Variants in NETO2 observed in about 807,000 individuals in gnomAD.
The protein encoded by NETO2 is neuropilin and tolloid-like protein 2.
In NETO2, 28 loss-of-function variants were observed where a neutral mutation model predicts 62.5. The observed-to-expected ratio is 0.45, with a 90% CI of 0.33 to 0.61. NETO2 has a LOEUF of 0.61. NETO2 is among the 20% of genes least tolerant of loss of function. The probability of loss-of-function intolerance (pLI) is 0.02; values close to 1 mark genes in which losing one functional copy is unlikely to be tolerated. For synonymous variants in NETO2, 214 were observed against 219.1 expected (o/e 0.98, Z 0.21); for missense variants, 548 against 643.2 (o/e 0.85, Z 1.60).
chr16:47,086,079 C>G, intron 8 of NETO2, 147 bp downstream of exon 8: 1 of 654,262 alleles, frequency 1.5e-6, no homozygotes, highest in South Asian at 1.6e-5. Flanking sequence ...GCACTCCAGC[C>G]TGGGCGACAG....
intron 7 of NETO2, among the ~76,000 whole-genome samples, chr16:47,107,137 CA>C (rs1277696388): frequency 1.4e-4 from 21 of 152,080 alleles, no homozygotes; most frequent in African/African-American, 3.9e-4. Context: ...CTGTCCTTCA[CA>C]TAAGAAAAAA....
chr16:47,109,671 T>C lies in NETO2; in HGVS notation c.695A>G (p.Asn232Ser), dbSNP rs1306505675. 19 of 1,613,732 alleles carry C rather than the reference T, an allele frequency of 1.2e-5. No individual in the cohort carries two copies. The highest frequency in any genetic ancestry group is 1.6e-5 in the Non-Finnish European group (19 of 1,179,698). ...TGCAACGAAGTTTCTCTTGCATTCA[T>C]TTGAGTGCTCCATTTGATAATCTAG... is the stretch of plus-strand genomic sequence containing the variant. ...RFLDYQMEHS[N>S]ECKRNFVAVY... is the part of the protein sequence containing the mutation. Residue 232 changes from asparagine to serine, a missense_variant, in exon 7 of 9, where the codon AAT becomes AGT. Transcript: ENST00000562435.
chr16:47,105,474 A>C (rs1188521320), intron 7 of NETO2, among the ~76,000 whole-genome samples: 2 of 152,204 alleles, frequency 1.3e-5, no homozygotes, highest in African/African-American at 2.4e-5. Context: ...ACAACAACAA[A>C]AAAAACCCAC....
At chr16:47,133,513 C>T (rs1022619318) in intron 1 of NETO2, among the ~76,000 whole-genome samples, 2 of 151,780 alleles carry the variant, frequency 1.3e-5, no homozygotes, top group African/African-American at 4.8e-5. Flanking sequence ...GAGCCATGAT[C>T]GTGCCACTGC....
chr16:47,083,114 C>A lies in NETO2; in HGVS notation c.*107G>T. The A allele has an allele frequency of 1.0e-6, 1 of 974,360 alleles. No homozygotes were observed. The highest frequency in any genetic ancestry group is 1.5e-6 in the Non-Finnish European group (1 of 647,832). The allele number at this position is 974,360 out of a possible 1,614,324, so 60.4% of individuals were successfully genotyped here. On this transcript the variant is annotated 3_prime_UTR_variant, in exon 9 of 9. Coordinates refer to ENST00000562435, the MANE Select transcript of NETO2 (RefSeq NM_018092.5). ...CAATAGGTTAACGGTAAATCAAGGT[C>A]TTCGTAGTTGTGATGGGAGAAAAGG...
chr16:47,086,491 A>G (rs1338643735), intron 7 of NETO2, 152 bp from the exon 8 acceptor site: 1 of 604,364 alleles, frequency 1.7e-6, no homozygotes, highest in East Asian at 2.8e-5. Context: ...GACAAACGTC[A>G]ATATTCTCTG....
Position 47,082,192 on chromosome 16 carries a change from T to C in NETO2, c.*1029A>G, listed in dbSNP as rs1197532435. On this transcript the variant is annotated 3_prime_UTR_variant, in exon 9 of 9. Coordinates refer to ENST00000562435, the MANE Select transcript of NETO2 (RefSeq NM_018092.5). The stretch of plus-strand genomic sequence containing the variant: ...CTTGATAAGAGCTAGAAAAATGTCA[T>C]GTCCCAGTTAAGAAGCAATCTCAAG... 2 of 152,650 alleles carry C rather than the reference T, an allele frequency of 1.3e-5. No homozygotes were observed. The highest frequency in any genetic ancestry group is 1.5e-5 in the Non-Finnish European group (1 of 68,026). The allele number at this position is 152,650 out of a possible 1,614,324, so 9.5% of individuals were successfully genotyped here. A position where few individuals can be genotyped will look rare whatever the true frequency, so the allele number is the denominator to read the frequency against.
chr16:47,123,212 C>T (rs867714786), intron 4 of NETO2, among the ~76,000 whole-genome samples: 5 of 152,082 alleles, frequency 3.3e-5, no homozygotes, highest in Admixed American at 1.3e-4. Context: ...TATTATTTGG[C>T]CTTAAAAAGG....
chr16:47,109,466 A>T lies in NETO2; in HGVS notation c.883+17T>A. The T allele has an allele frequency of 6.4e-7, 1 of 1,571,558 alleles. No homozygotes were observed. The highest frequency in any genetic ancestry group is 1.1e-5 in the South Asian group (1 of 90,138). On this transcript the variant is annotated intron_variant, in intron 7 of 8. Transcript: ENST00000562435. ...AATATGTAAAAGATCTCAATACTAT[A>T]GGAATTATTTACTTACGCTCCACAA...
chr16:47,082,544 G>A lies in NETO2; in HGVS notation c.*677C>T, dbSNP rs1051935237. ...TAACTGAGAAAAATATAATTGAAAG[G>A]TAATAAATCATATCATCTATTATTT... is the stretch of plus-strand genomic sequence containing the variant. On this transcript the variant is annotated 3_prime_UTR_variant, in exon 9 of 9. Transcript: ENST00000562435. 6.6e-6 allele frequency: 1 copy of A among 152,134 alleles called. No individual in the cohort carries two copies. The highest frequency in any genetic ancestry group is 2.4e-5 in the African/African-American group (1 of 41,432). The allele number at this position is 152,134 out of a possible 1,614,324, so 9.4% of individuals were successfully genotyped here.
At chr16:47,141,908 AATCCCTTC>A (rs1477828874) in intron 1 of NETO2, among the ~76,000 whole-genome samples, 1 of 152,220 alleles carries the variant, frequency 6.6e-6, no homozygotes, top group East Asian at 1.9e-4. Context: ...AAACGCTGCA[AATCCCTTC>A]ACCATTGGAG....
Position 47,128,408 on chromosome 16 carries a change from G to A in NETO2, c.398C>T (p.Thr133Ile), listed in dbSNP as rs771265566. ...AAACTTAATCCACATGAATCTCCCT[G>A]TTGATCTAATTAATGGAGGGCTTTT... is the stretch of plus-strand genomic sequence containing the variant. The part of the protein sequence containing the change: ...GVKSPPLIRS[T>I]GRFMWIKFSS... Residue 133 changes from threonine (T) to isoleucine (I), a missense_variant, in exon 4 of 9, where the codon ACA (threonine) becomes ATA (isoleucine). By Grantham distance (89) the Thr-to-Ile change is moderately conservative. Coordinates refer to ENST00000562435, the MANE Select transcript of NETO2 (RefSeq NM_018092.5). The A allele has an allele frequency of 8.7e-6, 14 of 1,613,954 alleles. No individual in the cohort carries two copies. Among genetic ancestry groups the A allele is most frequent in the Non-Finnish European group, 1.2e-5 (14 of 1,180,014 alleles).
chr16:47,143,622 C>A lies in NETO2; in HGVS notation c.-10G>T, dbSNP rs1964512498. On this transcript the variant is annotated 5_prime_UTR_variant, in exon 1 of 9. Coordinates refer to ENST00000562435, the MANE Select transcript of NETO2 (RefSeq NM_018092.5). ...GCCGCTCCAGGGCCATGTTCCCGAGCTGCCCGGCGCTTCGCGAAGGGCTGA... is the reference window on the plus strand; with the variant it reads ...GCCGCTCCAGGGCCATGTTCCCGAGATGCCCGGCGCTTCGCGAAGGGCTGA... 1.6e-6 allele frequency: 2 copies of A among 1,221,600 alleles called. No individual in the cohort carries two copies. The highest frequency in any genetic ancestry group is 2.0e-6 in the Non-Finnish European group (2 of 977,780). 75.7% of individuals were successfully genotyped at this position (1,221,600 alleles called of 1,614,324 possible).
At chr16:47,089,508 A>G (rs568733073) in intron 7 of NETO2, among the ~76,000 whole-genome samples, 6 of 152,208 alleles carry the variant, frequency 3.9e-5, no homozygotes, top group Non-Finnish European at 7.3e-5. Context: ...TTTAGACTTA[A>G]GTTCAAATGA....
intron 1 of NETO2, among the ~76,000 whole-genome samples, chr16:47,141,202 A>G (rs1964455719): frequency 6.6e-6 from 1 of 152,238 alleles, no homozygotes; most frequent in Non-Finnish European, 1.5e-5. Context: ...TGGCTGATTT[A>G]TTTTAGTAGA....
At chr16:47,132,266 C>A (rs1964281479) in intron 1 of NETO2, among the ~76,000 whole-genome samples, 1 of 151,342 alleles carries the variant, frequency 6.6e-6, no homozygotes, top group Admixed American at 6.6e-5. Context: ...TAATACATGG[C>A]ATTGAAAGCA....
intron 1 of NETO2, among the ~76,000 whole-genome samples, chr16:47,137,054 G>C (rs1964373956): frequency 6.6e-6 from 1 of 152,132 alleles, no homozygotes; most frequent in African/African-American, 2.4e-5. Context: ...GTGTTGGTCA[G>C]GCTATAGGAA....
At chr16:47,134,032 A>G (rs1964322238) in intron 1 of NETO2, among the ~76,000 whole-genome samples, 1 of 152,166 alleles carries the variant, frequency 6.6e-6, no homozygotes, top group Non-Finnish European at 1.5e-5. Flanking sequence ...AGGAGAAACT[A>G]ATGACATGGT....
intron 7 of NETO2, among the ~76,000 whole-genome samples, chr16:47,107,996 C>T (rs1374652770): frequency 2.6e-5 from 4 of 152,146 alleles, no homozygotes; most frequent in African/African-American, 4.8e-5. Flanking sequence ...AGGCTGGTCT[C>T]GAACTCCTGA....
Sources: allele counts gnomAD v4.1 joint callset (sites outside exome capture counted in the v4.1 genomes callset), GRCh38; gene constraint gnomAD v4.1.1; transcripts MANE v1.5; gene names NCBI Gene and HGNC (gene_info 2026-07-23, HGNC 2026-07-21).